UBE2E2: variants seen among roughly 807,000 people sequenced by gnomAD.
UBE2E2 encodes ubiquitin-conjugating enzyme E2 E2.
A neutral mutation model predicts 24.7 loss-of-function variants in UBE2E2; 6 were observed. The observed-to-expected ratio is 0.24, with a 90% CI of 0.13 to 0.48. UBE2E2 has a LOEUF of 0.48. Ranked by LOEUF, UBE2E2 falls within the 20% of genes least tolerant of loss-of-function variation. The pLI is 0.99. For synonymous variants in UBE2E2, 104 were observed against 83.6 expected (o/e 1.24, Z -1.33); for missense variants, 169 against 245.0 (o/e 0.69, Z 2.07).
At chr3:23,204,751 T>C in intron 1 of UBE2E2, 1 of 985,448 alleles carries the variant, frequency 1.0e-6, no homozygotes, top group Non-Finnish European at 1.2e-6. Context: ...TGCAGTTAAA[T>C]TTAAAGCTGG....
intron 3 of UBE2E2, among the ~76,000 whole-genome samples, chr3:23,384,317 C>T (rs13321359): frequency 0.34 from 51,793 of 151,692 alleles, 10,499 homozygotes; most frequent in Admixed American, 0.52. Flanking sequence ...GCATGTTCTG[C>T]CACACCCAGC....
Position 23,591,520 on chromosome 3 carries a change from T to C in UBE2E2, c.*1689T>C, listed in dbSNP as rs997053241. ...TTACCATTCATTTTATTTAAAAACATTTCTCAGCATAGCAGGGCACTGTAT... is the reference window on the plus strand; with the variant it reads ...TTACCATTCATTTTATTTAAAAACACTTCTCAGCATAGCAGGGCACTGTAT... On this transcript the variant is annotated 3_prime_UTR_variant, in exon 6 of 6. Coordinates refer to ENST00000396703, the MANE Select transcript of UBE2E2 (RefSeq NM_152653.4). 5.3e-5 allele frequency: 8 copies of C among 152,246 alleles called. No homozygotes were observed. The highest frequency in any genetic ancestry group is 5.2e-4 in the Admixed American group (8 of 15,282). The allele number at this position is 152,246 out of a possible 1,614,324, so 9.4% of individuals were successfully genotyped here.
intron 3 of UBE2E2, among the ~76,000 whole-genome samples, chr3:23,270,501 C>G (rs759268580): frequency 6.6e-6 from 1 of 152,132 alleles, no homozygotes; most frequent in Non-Finnish European, 1.5e-5. Context: ...CAGATAAACC[C>G]TGGGGCCCTG....
chr3:23,332,811 A>G (rs961789547), intron 3 of UBE2E2, among the ~76,000 whole-genome samples: 10 of 152,218 alleles, frequency 6.6e-5, no homozygotes, highest in Middle Eastern at 3.4e-3. Context: ...TCACTTCTAG[A>G]TGCCAACCAA....
chr3:23,446,422 G>T (rs1698431062), intron 3 of UBE2E2, among the ~76,000 whole-genome samples: 1 of 152,172 alleles, frequency 6.6e-6, no homozygotes, highest in African/African-American at 2.4e-5. Context: ...GATGCAGTTA[G>T]TATGCTATCA....
intron 3 of UBE2E2, among the ~76,000 whole-genome samples, chr3:23,441,554 A>AG (rs1698306268): frequency 6.6e-6 from 1 of 150,394 alleles, no homozygotes; most frequent in Non-Finnish European, 1.5e-5. Context: ...AAAAAAAAAA[A>AG]GAATTGGGTA....
chr3:23,577,835 C>G (rs1195238907), intron 5 of UBE2E2, among the ~76,000 whole-genome samples: 1 of 152,080 alleles, frequency 6.6e-6, no homozygotes, highest in Admixed American at 6.6e-5. Context: ...CTGGTGACTT[C>G]AAGTTGAAGC....
intron 2 of UBE2E2, among the ~76,000 whole-genome samples, chr3:23,213,021 G>C (rs1218559055): frequency 6.6e-6 from 1 of 151,978 alleles, no homozygotes; most frequent in Non-Finnish European, 1.5e-5. Context: ...ATTTTGGAAG[G>C]TTTTCGCTAG....
intron 5 of UBE2E2, among the ~76,000 whole-genome samples, chr3:23,554,962 G>A (rs1158222594): frequency 1.3e-5 from 2 of 151,570 alleles, no homozygotes; most frequent in African/African-American, 2.4e-5. Flanking sequence ...TGTTGCCCAG[G>A]CTGGAGTACA....
intron 3 of UBE2E2, among the ~76,000 whole-genome samples, chr3:23,470,011 T>A (rs1490699654): frequency 6.6e-6 from 1 of 152,274 alleles, no homozygotes; most frequent in East Asian, 1.9e-4. Flanking sequence ...CTAATGTGAG[T>A]CTTTAGGTAA....
chr3:23,427,592 G>A (rs149869850), intron 3 of UBE2E2, among the ~76,000 whole-genome samples: 95 of 152,226 alleles, frequency 6.2e-4, no homozygotes, highest in African/African-American at 2.2e-3. Flanking sequence ...AATAGCAGTG[G>A]CCTAAATATA....
At chr3:23,231,492 AAGACTTCTGT>A (rs1696972718) in intron 3 of UBE2E2, among the ~76,000 whole-genome samples, 2 of 152,194 alleles carry the variant, frequency 1.3e-5, no homozygotes, top group South Asian at 4.1e-4. Flanking sequence ...TAGTCAACAC[AAGACTTCTGT>A]AGCCAGATGT....
intron 3 of UBE2E2, among the ~76,000 whole-genome samples, chr3:23,480,262 G>T (rs1205536364): frequency 6.6e-6 from 1 of 152,238 alleles, no homozygotes; most frequent in Admixed American, 6.5e-5. Context: ...ACCCAGCTGG[G>T]TTGTGATAGC....
At chr3:23,361,094 T>C (rs1046147627) in intron 3 of UBE2E2, among the ~76,000 whole-genome samples, 5 of 152,172 alleles carry the variant, frequency 3.3e-5, no homozygotes, top group African/African-American at 9.7e-5. Flanking sequence ...ACATCACTGA[T>C]TATCGGGAAA....
chr3:23,353,776 A>G (rs1165110893), intron 3 of UBE2E2, among the ~76,000 whole-genome samples: 2 of 151,994 alleles, frequency 1.3e-5, no homozygotes, highest in East Asian at 1.9e-4. Flanking sequence ...GCTCATGGGT[A>G]GGAAGAATCA....
chr3:23,259,496 T>C (rs1431740546), intron 3 of UBE2E2, among the ~76,000 whole-genome samples: 2 of 152,022 alleles, frequency 1.3e-5, no homozygotes, highest in African/African-American at 4.8e-5. Flanking sequence ...CTTAGGAGAT[T>C]GAGGCAGGAA....
intron 3 of UBE2E2, among the ~76,000 whole-genome samples, chr3:23,479,290 G>C (rs956306811): frequency 1.3e-5 from 2 of 152,206 alleles, no homozygotes; most frequent in Non-Finnish European, 1.5e-5. Context: ...CAGCTGCTGT[G>C]GTGGGGCAGG....
intron 3 of UBE2E2, among the ~76,000 whole-genome samples, chr3:23,395,113 C>T (rs995157339): frequency 1.3e-5 from 2 of 152,118 alleles, no homozygotes; most frequent in African/African-American, 2.4e-5. Flanking sequence ...GAAGGAGGAG[C>T]GGCTCTTTGT....
intron 5 of UBE2E2, among the ~76,000 whole-genome samples, chr3:23,560,165 C>G (rs1236611246): frequency 6.6e-6 from 1 of 151,864 alleles, no homozygotes; most frequent in African/African-American, 2.4e-5. Context: ...CACCCGTTAA[C>G]TCATCATTTA....
Sources: allele counts gnomAD v4.1 joint callset (sites outside exome capture counted in the v4.1 genomes callset), GRCh38; gene constraint gnomAD v4.1.1; transcripts MANE v1.5; gene names NCBI Gene and HGNC (gene_info 2026-07-23, HGNC 2026-07-21).